Variants in UNC93A observed in about 807,000 individuals in gnomAD.
The protein encoded by UNC93A is unc-93 homolog A.
UNC93A carries 43 observed loss-of-function variants against 47.5 expected under a neutral mutation model. The observed-to-expected ratio is 0.91, with a 90% CI of 0.71 to 1.17. The LOEUF is 1.17. Ranked by LOEUF, UNC93A falls within the 50% of genes most tolerant of loss-of-function variation. The pLI is 0.00. For missense variants in UNC93A, 605 were observed against 577.6 expected (o/e 1.05, Z -0.49); for synonymous variants, 280 against 258.0 (o/e 1.09, Z -0.82).
At chr6:167,306,374 C>T (rs1307736433) in intron 6 of UNC93A, among the ~76,000 whole-genome samples, 4 of 152,158 alleles carry the variant, frequency 2.6e-5, no homozygotes, top group South Asian at 4.1e-4. Context: ...ATGAGGGACA[C>T]GAAGCCAGTG....
intron 1 of UNC93A, among the ~76,000 whole-genome samples, chr6:167,274,190 C>T (rs1157532123): frequency 6.6e-6 from 1 of 152,114 alleles, no homozygotes; most frequent in Non-Finnish European, 1.5e-5. Flanking sequence ...TTAGTAAGAC[C>T]CCTCCAATGA....
chr6:167,299,010 C>T (rs1020083777), intron 4 of UNC93A, among the ~76,000 whole-genome samples: 4 of 150,676 alleles, frequency 2.7e-5, no homozygotes, highest in Admixed American at 6.6e-5. Flanking sequence ...CCCAGCTACT[C>T]GGGGGGCTGA....
upstream of UNC93A, among the ~76,000 whole-genome samples, chr6:167,290,713 T>C (rs1264337834): frequency 6.6e-6 from 1 of 152,194 alleles, no homozygotes; most frequent in Non-Finnish European, 1.5e-5. Flanking sequence ...GTGGCTACCA[T>C]ACTGGACAAC....
intron 1 of UNC93A, among the ~76,000 whole-genome samples, chr6:167,276,558 C>T (rs1783546548): frequency 6.6e-6 from 1 of 152,134 alleles, no homozygotes; most frequent in Non-Finnish European, 1.5e-5. Flanking sequence ...TTTAGGTGAC[C>T]TGCTCGAGGA....
chr6:167,307,656 GGTTCCAGAGGACA>G lies in UNC93A; in HGVS notation c.977-110_977-98del, dbSNP rs540016010. The G allele has an allele frequency of 2.0e-4, 225 of 1,133,480 alleles. No homozygotes were observed. The African/African-American group carries it at 3.2e-3, about 16-fold the overall frequency. The allele number at this position is 1,133,480 out of a possible 1,614,324, so 70.2% of individuals were successfully genotyped here. On this transcript the variant is annotated intron_variant, in intron 6 of 7. Transcript: ENST00000230256. ...TTGAGATGGTTGAGATGGTTGAGAC[GGTTCCAGAGGACA>G]GTTCCAGAGGACGGTTGAGATGGTT...
chr6:167,291,693 C>A, intron 1 of UNC93A, 117 bp downstream of exon 1: 1 of 932,248 alleles, frequency 1.1e-6, no homozygotes, highest in Non-Finnish European at 1.6e-6. Context: ...GTTTCTTTTT[C>A]ACTCTGTACC....
intron 7 of UNC93A, among the ~76,000 whole-genome samples, chr6:167,309,684 G>A (rs1300575141): frequency 1.3e-5 from 2 of 152,218 alleles, no homozygotes; most frequent in Non-Finnish European, 2.9e-5. Context: ...AAGAGCACAT[G>A]TGACCTCAGA....
intron 7 of UNC93A, among the ~76,000 whole-genome samples, chr6:167,309,521 G>A (rs750018668): frequency 7.6e-4 from 115 of 152,298 alleles, no homozygotes; most frequent in Admixed American, 1.2e-3. Flanking sequence ...TGGCTCACAT[G>A]AGACCCTCTT....
Position 167,295,974 on chromosome 6 carries a change from T to C in UNC93A, c.270-58T>C, listed in dbSNP as rs562300579. The C allele has an allele frequency of 8.6e-6, 13 of 1,514,198 alleles. No individual in the cohort carries two copies. In the East Asian group the frequency reaches 3.0e-4, roughly 35 times the overall value. The allele number at this position is 1,514,198 out of a possible 1,614,324, so 93.8% of individuals were successfully genotyped here. A position where few individuals can be genotyped will look rare whatever the true frequency, so the allele number is the denominator to read the frequency against. On this transcript the variant is annotated intron_variant, in intron 2 of 7. Coordinates refer to ENST00000230256, the MANE Select transcript of UNC93A (RefSeq NM_018974.4). Reference sequence around the variant, plus strand: ...GATTGACTAAAGAACTGCAGGGACATGGGTGCAATGGGCTTGCGTCTCCTG... The same window carrying C: ...GATTGACTAAAGAACTGCAGGGACACGGGTGCAATGGGCTTGCGTCTCCTG...
At chr6:167,270,683 C>T (rs141373531), upstream of UNC93A, among the ~76,000 whole-genome samples, 1 of 152,276 alleles carries the variant, frequency 6.6e-6, no homozygotes, top group South Asian at 2.1e-4. Context: ...TTCCATGTGA[C>T]CAATGTCCTC....
At chr6:167,300,253 T>C (rs1326587555) in intron 4 of UNC93A, among the ~76,000 whole-genome samples, 1 of 152,090 alleles carries the variant, frequency 6.6e-6, no homozygotes, top group East Asian at 1.9e-4. Flanking sequence ...ATGTCAGGGA[T>C]GAGGCTCTTA....
intron 1 of UNC93A, among the ~76,000 whole-genome samples, chr6:167,280,530 T>C (rs1165857238): frequency 6.6e-6 from 1 of 152,198 alleles, no homozygotes; most frequent in Non-Finnish European, 1.5e-5. Context: ...TTTTTTGTCC[T>C]GCTGTTTCCA....
At chr6:167,291,683 GT>G (rs1783844910) in intron 1 of UNC93A, 107 bp downstream of exon 1, 1 of 1,072,838 alleles carries the variant, frequency 9.3e-7, no homozygotes, top group East Asian at 2.4e-5. Context: ...TTCACCTGGT[GT>G]TTCTTTTTCA....
Position 167,309,532 on chromosome 6 carries a change from C to T in UNC93A, c.1108+1622C>T, listed in dbSNP as rs1291446569. On this transcript the variant is annotated intron_variant, in intron 7 of 7. Transcript: ENST00000230256. The stretch of plus-strand genomic sequence containing the variant: ...AGCATGGCTCACATGAGACCCTCTT[C>T]CCTTCAGGAGAGACTTCACCATTCT... Among the ~76,000 whole-genome samples, 7 of 152,132 alleles carry T rather than the reference C, an allele frequency of 4.6e-5. No individual in the cohort carries two copies. In the East Asian group the frequency reaches 1.3e-3, roughly 29 times the overall value.
In UNC93A at chr6:167,305,983, C is replaced by T. The variant is rs748285226; in HGVS notation, c.909C>T (p.Asp303=). ...GYVMICFSAT[D]ALCSVLYGKV... ...TGATGATCTGCTTCTCGGCCACTGA[C>T]GCGCTGTGCTCCGTGTTGTATGGAA... is the stretch of plus-strand genomic sequence containing the variant. The change falls in exon 6 of 8, where the codon GAC becomes GAT. Residue 303 remains aspartate, a synonymous_variant. Transcript: ENST00000230256. The T allele has an allele frequency of 2.9e-5, 47 of 1,614,092 alleles. No individual in the cohort carries two copies. Among genetic ancestry groups the T allele is most frequent in the Middle Eastern group, 1.6e-4 (1 of 6,084 alleles).
At chr6:167,303,843 G>T in intron 4 of UNC93A, 76 bp from the exon 5 acceptor site, 1 of 1,453,260 alleles carries the variant, frequency 6.9e-7, no homozygotes, top group South Asian at 1.2e-5. Context: ...GAGGATGAGT[G>T]ACTGAAACAA....
At chr6:167,270,075 G>T (rs185086240), upstream of UNC93A, among the ~76,000 whole-genome samples, 1 of 147,968 alleles carries the variant, frequency 6.8e-6, no homozygotes, top group African/African-American at 2.5e-5. Context: ...GGGGGGGGGC[G>T]TTCACATGGT....
chr6:167,296,291 C>A lies in UNC93A; in HGVS notation c.499+30C>A, dbSNP rs755714925. ...AAGGAAAAGGGGCAAGCAATTGTCT[C>A]CAAGTGGAGCAGGGGTTTCAGTGAT... On this transcript the variant is annotated intron_variant, in intron 3 of 7. Coordinates refer to ENST00000230256, the MANE Select transcript of UNC93A (RefSeq NM_018974.4). The A allele has an allele frequency of 5.0e-6, 8 of 1,609,310 alleles. No individual in the cohort carries two copies. The African/African-American group carries it at 1.1e-4, about 21-fold the overall frequency.
intron 1 of UNC93A, among the ~76,000 whole-genome samples, chr6:167,279,646 C>G: frequency 6.6e-6 from 1 of 152,300 alleles, no homozygotes; most frequent in South Asian, 2.1e-4. Context: ...AAAACATATT[C>G]TTTCCTTGTT....
Sources: gnomAD v4.1 joint callset for allele counts (sites outside exome capture counted in the v4.1 genomes callset) on GRCh38, gnomAD v4.1.1 for gene constraint, MANE v1.5 for transcripts, NCBI Gene and HGNC (gene_info 2026-07-23, HGNC 2026-07-21) for gene names.